Variants in EIF4A2 observed in about 807,000 individuals in gnomAD.
EIF4A2 encodes eukaryotic initiation factor 4A-II.
EIF4A2 carries 9 observed loss-of-function variants against 50.6 expected under a neutral mutation model. The ratio of observed to expected loss-of-function variants is 0.18; its 90% CI spans 0.11 to 0.31. The LOEUF (loss-of-function observed/expected upper bound fraction) is 0.31, where lower values mean the gene tolerates loss of function less well. EIF4A2 is among the 10% of genes least tolerant of loss of function. EIF4A2 has a pLI of 1.00. For missense variants in EIF4A2, 182 were observed against 501.8 expected (o/e 0.36, Z 6.09); for synonymous variants, 215 against 164.4 (o/e 1.31, Z -2.35).
intron 3 of EIF4A2, 51 bp downstream of exon 3, chr3:186,784,747 T>C (rs1209679199): frequency 1.2e-6 from 2 of 1,610,620 alleles, no homozygotes; most frequent in African/African-American, 1.3e-5. Flanking sequence ...ACATGAACCA[T>C]AAAAGGGAAA....
chr3:186,789,764 C>T lies in EIF4A2; in HGVS notation c.*495C>T, dbSNP rs1413397052. 8 of 533,124 alleles carry T rather than the reference C, an allele frequency of 1.5e-5. No homozygotes were observed. Among genetic ancestry groups the T allele is most frequent in the African/African-American group, 1.3e-4 (7 of 52,170 alleles). 33.0% of individuals were successfully genotyped at this position (533,124 alleles called of 1,614,324 possible). A position where few individuals can be genotyped will look rare whatever the true frequency, so the allele number is the denominator to read the frequency against. Reference sequence around the variant, plus strand: ...TATTCAATAAAGTATTTAATTAGTGCTAAGTGTGAACTGGACCCTGTTGCT... The same window carrying T: ...TATTCAATAAAGTATTTAATTAGTGTTAAGTGTGAACTGGACCCTGTTGCT... On this transcript the variant is annotated 3_prime_UTR_variant, in exon 11 of 11. Coordinates refer to ENST00000323963, the MANE Select transcript of EIF4A2 (RefSeq NM_001967.4).
rs1722000180 is a variant in EIF4A2, at chr3:186,789,673, C to G, written c.*404C>G. The G allele has an allele frequency of 2.8e-6, 1 of 362,624 alleles. No individual in the cohort carries two copies. The highest frequency in any genetic ancestry group is 5.0e-6 in the Non-Finnish European group (1 of 200,136). 22.5% of individuals were successfully genotyped at this position (362,624 alleles called of 1,614,324 possible). A position where few individuals can be genotyped will look rare whatever the true frequency, so the allele number is the denominator to read the frequency against. On this transcript the variant is annotated 3_prime_UTR_variant, in exon 11 of 11. Transcript: ENST00000323963. ...TGCCTTTATTGTGTTTGTCATTAGCCTGAGTAGAAAGGCCTTTAAAATTTT... is the reference window on the plus strand; with the variant it reads ...TGCCTTTATTGTGTTTGTCATTAGCGTGAGTAGAAAGGCCTTTAAAATTTT...
chr3:186,789,675 G>GT lies in EIF4A2; in HGVS notation c.*406_*407insT. On this transcript the variant is annotated 3_prime_UTR_variant, in exon 11 of 11. Coordinates refer to ENST00000323963, the MANE Select transcript of EIF4A2 (RefSeq NM_001967.4). ...CCTTTATTGTGTTTGTCATTAGCCTGAGTAGAAAGGCCTTTAAAATTTTTT... is the reference window on the plus strand; with the variant it reads ...CCTTTATTGTGTTTGTCATTAGCCTGTAGTAGAAAGGCCTTTAAAATTTTTT... 2.7e-6 allele frequency: 1 copy of GT among 367,776 alleles called. No individual in the cohort carries two copies. The highest frequency in any genetic ancestry group is 4.9e-6 in the Non-Finnish European group (1 of 203,042). The allele number at this position is 367,776 out of a possible 1,614,324, so 22.8% of individuals were successfully genotyped here. A position where few individuals can be genotyped will look rare whatever the true frequency, so the allele number is the denominator to read the frequency against.
chr3:186,786,923 A>G (rs1474361302), intron 7 of EIF4A2: 5 of 903,372 alleles, frequency 5.5e-6, no homozygotes, highest in Non-Finnish European at 5.3e-6. Flanking sequence ...GAGACTGGCT[A>G]AGACTGGCCA....
chr3:186,788,564 T>C (rs978497114), intron 10 of EIF4A2: 1 of 548,538 alleles, frequency 1.8e-6, no homozygotes, highest in African/African-American at 2.0e-5. Flanking sequence ...TGCAGGTAGC[T>C]GTTTGGCAGT....
At chr3:186,785,767 T>C (rs539371484) in intron 4 of EIF4A2, 116 bp from the exon 5 acceptor site, 7 of 1,312,184 alleles carry the variant, frequency 5.3e-6, no homozygotes, top group Admixed American at 4.8e-5. Flanking sequence ...GAAGTAGTTT[T>C]GTGCTGTGCA....
At chr3:186,785,823 T>G in intron 4 of EIF4A2, 60 bp from the exon 5 acceptor site, 1 of 1,550,092 alleles carries the variant, frequency 6.5e-7, no homozygotes, top group Admixed American at 1.9e-5. Flanking sequence ...CCTTTATGCT[T>G]TAAAAATTAG....
intron 10 of EIF4A2, 21 bp from the exon 11 acceptor site, chr3:186,789,104 C>T: frequency 6.2e-7 from 1 of 1,610,066 alleles, no homozygotes; most frequent in Non-Finnish European, 8.5e-7. Context: ...AAGTAACGTT[C>T]TGATTCTTTT....
intron 4 of EIF4A2, chr3:186,785,459 A>C (rs1023379990): frequency 9.2e-6 from 3 of 327,170 alleles, no homozygotes; most frequent in African/African-American, 4.2e-5. Flanking sequence ...TTCAAAGCTC[A>C]CTGCTATATT....
At position 186,786,017 on chromosome 3, in the gene EIF4A2, G is replaced by C. The variant is rs541800793; in HGVS notation, c.483G>C (p.Gly161=). Residue 161 remains glycine, a synonymous_variant, in exon 5 of 11, where the codon GGG becomes GGC. Transcript: ENST00000323963. ...CACATATTGTTGTTGGTACACCCGGGAGAGTGTTTGATATGTTAAACAGAA... is the reference window on the plus strand; with the variant it reads ...CACATATTGTTGTTGGTACACCCGGCAGAGTGTTTGATATGTTAAACAGAA... ...EAPHIVVGTP[G]RVFDMLNRRY... is the part of the protein sequence containing the mutation. 1.2e-6 allele frequency: 2 copies of C among 1,610,830 alleles called. No individual in the cohort carries two copies. The highest frequency in any genetic ancestry group is 4.5e-5 in the East Asian group (2 of 44,796).
intron 7 of EIF4A2, 22 bp from the exon 8 acceptor site, chr3:186,787,105 C>T: frequency 1.2e-6 from 2 of 1,612,172 alleles, no homozygotes; most frequent in Non-Finnish European, 8.5e-7. Context: ...TGACTGTTAA[C>T]TTTAACTTCT....
At chr3:186,786,386 G>C (rs73886079) in intron 6 of EIF4A2, 113 bp downstream of exon 6, 7 of 1,523,766 alleles carry the variant, frequency 4.6e-6, no homozygotes, top group African/African-American at 1.4e-5. Context: ...TAAAGCACTT[G>C]ATGCATAACT....
Position 186,786,047 on chromosome 3 carries a change from C to A in EIF4A2, c.513C>A (p.Tyr171Ter), listed in dbSNP as rs1721680865. 1 of 1,602,370 alleles carries A rather than the reference C, an allele frequency of 6.2e-7. No individual in the cohort carries two copies. Among genetic ancestry groups the A allele is most frequent in the Non-Finnish European group, 8.5e-7 (1 of 1,170,088 alleles). ...TGTTTGATATGTTAAACAGAAGATA[C>A]CTTTGTAAGTATTGTCTTTAAGAGA... Reference protein sequence around the residue: ...GRVFDMLNRRYLSPKWIKMFV... With the variant: ...GRVFDMLNRR Residue 171 changes from tyrosine (Y) to a stop codon, truncating the protein, a stop_gained, in exon 5 of 11, where the codon TAC becomes TAA. Transcript: ENST00000323963. LOFTEE classifies it high-confidence loss of function.
chr3:186,784,339 A>G lies in EIF4A2; in HGVS notation c.30-93A>G, dbSNP rs953662345. ...TGCTTTAGCTTGTGCAGGGGAGGCTAACGTGCTGAGACGGGTTGCAAAGGG... is the reference window on the plus strand; with the variant it reads ...TGCTTTAGCTTGTGCAGGGGAGGCTGACGTGCTGAGACGGGTTGCAAAGGG... On this transcript the variant is annotated intron_variant, in intron 1 of 10. Transcript: ENST00000323963. The G allele has an allele frequency of 1.1e-5, 17 of 1,581,592 alleles. No individual in the cohort carries two copies. The Admixed American group carries it at 1.3e-4, about 12-fold the overall frequency.
chr3:186,783,890 C>T (rs1721519210), intron 1 of EIF4A2: 3 of 577,172 alleles, frequency 5.2e-6, no homozygotes, highest in South Asian at 2.2e-5. Flanking sequence ...GGCTGCTTTC[C>T]TTCCCAGTGT....
chr3:186,784,315 G>C, intron 1 of EIF4A2, 117 bp from the exon 2 acceptor site: 1 of 1,466,790 alleles, frequency 6.8e-7, no homozygotes, highest in South Asian at 1.2e-5. Context: ...TGAGGCTGCT[G>C]CTTTAGCTTG....
chr3:186,788,038 G>A (rs759843976), intron 10 of EIF4A2, 156 bp downstream of exon 10: 8 of 865,520 alleles, frequency 9.2e-6, no homozygotes, highest in Non-Finnish European at 1.4e-5. Context: ...GAAGGTTGAT[G>A]AGAACAAAGT....
chr3:186,784,763 C>T lies in EIF4A2; in HGVS notation c.208+67C>T, dbSNP rs377637826. On this transcript the variant is annotated intron_variant, in intron 3 of 10. Coordinates refer to ENST00000323963, the MANE Select transcript of EIF4A2 (RefSeq NM_001967.4). ...CATGAACCATAAAAGGGAAAGTAAC[C>T]TCTGGGGGACTAGCACCTGTTTGTA... is the stretch of plus-strand genomic sequence containing the variant. 216 of 1,608,552 alleles carry T rather than the reference C, an allele frequency of 1.3e-4. 1 individual carries two copies. The African/African-American group carries it at 2.1e-3, about 16-fold the overall frequency.
At chr3:186,785,558 C>G in intron 4 of EIF4A2, 1 of 320,016 alleles carries the variant, frequency 3.1e-6, no homozygotes, top group South Asian at 6.0e-5. Context: ...GGAAAAAAAT[C>G]ATTTGCCCTA....
Sources: gnomAD v4.1 joint callset for allele counts on GRCh38, gnomAD v4.1.1 for gene constraint, MANE v1.5 for transcripts, NCBI Gene and HGNC (gene_info 2026-07-23, HGNC 2026-07-21) for gene names.